The following TADA2A variants were observed in gnomAD, a reference collection of about 807,000 sequenced individuals.
The protein encoded by TADA2A is transcriptional adaptor 2A.
A neutral mutation model predicts 67.4 loss-of-function variants in TADA2A; 38 were observed. The ratio of observed to expected loss-of-function variants is 0.56; its 90% CI spans 0.44 to 0.74. The LOEUF is 0.74. Ranked by LOEUF, TADA2A falls within the 30% of genes least tolerant of loss-of-function variation. The pLI, the probability that TADA2A is intolerant of heterozygous loss-of-function variation, is 0.00. For missense variants in TADA2A, 454 were observed against 547.0 expected (o/e 0.83, Z 1.70); for synonymous variants, 192 against 181.6 (o/e 1.06, Z -0.46).
intron 5 of TADA2A, 164 bp downstream of exon 5, chr17:37,437,993 T>C (rs2052783809): frequency 4.7e-6 from 3 of 635,984 alleles, no homozygotes; most frequent in Non-Finnish European, 5.5e-6. Context: ...ATTTTTCCAG[T>C]GTCGAAATGT....
chr17:37,408,447 C>G (rs1167944597), intron 1 of TADA2A: 1 of 152,128 alleles, frequency 6.6e-6, no homozygotes, highest in Admixed American at 6.6e-5. Flanking sequence ...GACAGGGTTT[C>G]TACATGTTGG....
intron 15 of TADA2A, 43 bp downstream of exon 15, chr17:37,474,672 A>G: frequency 1.9e-6 from 3 of 1,569,634 alleles, no homozygotes; most frequent in Non-Finnish European, 2.6e-6. Context: ...ATAGGGGCTG[A>G]TTATTCATTG....
At chr17:37,440,484 C>T in intron 5 of TADA2A, 21 bp from the exon 6 acceptor site, 2 of 1,612,152 alleles carry the variant, frequency 1.2e-6, no homozygotes, top group Non-Finnish European at 1.7e-6. Flanking sequence ...CCACTTCTCT[C>T]TTTTTCCCAC....
At chr17:37,446,087 G>GT (rs1178704173) in intron 8 of TADA2A, among the ~76,000 whole-genome samples, 6,441 of 122,016 alleles carry the variant, frequency 0.053, 476 homozygotes, top group African/African-American at 0.17. Flanking sequence ...TGAGCGGTGG[G>GT]TTTTTTTTTG....
At chr17:37,437,386 C>T (rs112249655) in intron 4 of TADA2A, among the ~76,000 whole-genome samples, 1,780 of 148,206 alleles carry the variant, frequency 0.012, 54 homozygotes, top group African/African-American at 0.043. Flanking sequence ...CCACTGTGCC[C>T]GGCCTATTTT....
Position 37,470,422 on chromosome 17 carries a change from CAAG to C in TADA2A, c.923_925del (p.Lys308del). 2 of 1,613,796 alleles carry C rather than the reference CAAG, an allele frequency of 1.2e-6. No homozygotes were observed. Among genetic ancestry groups the C allele is most frequent in the Non-Finnish European group, 1.7e-6 (2 of 1,179,910 alleles). The stretch of plus-strand genomic sequence containing the variant: ...CAGGTGCCAGAACCTACGATCACCT[CAAG>C]AAGACACGGGAGGAAGAGCGCCTTA... On this transcript the variant is annotated inframe_deletion, in exon 13 of 16. Coordinates refer to ENST00000615182, the MANE Select transcript of TADA2A (RefSeq NM_001166105.3).
intron 2 of TADA2A, among the ~76,000 whole-genome samples, chr17:37,413,734 A>G (rs1168832334): frequency 1.3e-5 from 2 of 151,860 alleles, no homozygotes; most frequent in African/African-American, 2.4e-5. Context: ...TTAAGGTTGC[A>G]AAAAGATGAT....
At chr17:37,410,263 A>G (rs1469331396) in intron 1 of TADA2A, among the ~76,000 whole-genome samples, 2 of 149,684 alleles carry the variant, frequency 1.3e-5, no homozygotes, top group Non-Finnish European at 1.5e-5. Flanking sequence ...TGCATCCTCG[A>G]CCTCCTAGGC....
At chr17:37,450,105 C>G (rs1293512415) in intron 8 of TADA2A, among the ~76,000 whole-genome samples, 1 of 152,188 alleles carries the variant, frequency 6.6e-6, no homozygotes, top group Non-Finnish European at 1.5e-5. Flanking sequence ...CTCATAATGT[C>G]TTAAAAAAGT....
At chr17:37,463,750 T>G (rs1480883805) in intron 10 of TADA2A, among the ~76,000 whole-genome samples, 9 of 151,316 alleles carry the variant, frequency 5.9e-5, no homozygotes, top group Non-Finnish European at 1.3e-4. Context: ...GCTCAGGTGA[T>G]TCTCCCACCT....
chr17:37,465,097 G>C (rs959489918), intron 10 of TADA2A, among the ~76,000 whole-genome samples: 1 of 151,220 alleles, frequency 6.6e-6, no homozygotes, highest in Non-Finnish European at 1.5e-5. Context: ...GCAGTGCGCC[G>C]AGATCACCCC....
At chr17:37,465,619 G>A (rs2148033802) in intron 11 of TADA2A, 78 bp downstream of exon 11, 1 of 1,578,630 alleles carries the variant, frequency 6.3e-7, no homozygotes, top group Non-Finnish European at 8.6e-7. Flanking sequence ...TGTGTTTTAT[G>A]TGAAGTTCTA....
chr17:37,411,421 C>T (rs772954127), intron 2 of TADA2A, 31 bp downstream of exon 2: 1 of 1,602,306 alleles, frequency 6.2e-7, no homozygotes, highest in Non-Finnish European at 8.5e-7. Context: ...TCTCAGGTGA[C>T]TTATTATTAT....
At position 37,478,943 on chromosome 17, in the gene TADA2A, G is replaced by A. The variant is rs942497744; in HGVS notation, c.*1961G>A. ...TGTTTTCCTTGTAAAATCATATCTC[G>A]TAGAAAACATTTTACCACTACCATC... On this transcript the variant is annotated 3_prime_UTR_variant, in exon 16 of 16. Coordinates refer to ENST00000615182, the MANE Select transcript of TADA2A (RefSeq NM_001166105.3). 3 of 152,132 alleles carry A rather than the reference G, an allele frequency of 2.0e-5. No individual in the cohort carries two copies. Among genetic ancestry groups the A allele is most frequent in the South Asian group, 2.1e-4 (1 of 4,824 alleles). 9.4% of individuals were successfully genotyped at this position (152,132 alleles called of 1,614,324 possible).
At chr17:37,454,759 G>T in intron 8 of TADA2A, 1 of 309,044 alleles carries the variant, frequency 3.2e-6, no homozygotes, top group Non-Finnish European at 6.8e-6. Flanking sequence ...TGGCCAAGAG[G>T]AATGAGAAAC....
intron 2 of TADA2A, among the ~76,000 whole-genome samples, chr17:37,413,580 T>C (rs2051946293): frequency 6.6e-6 from 1 of 152,126 alleles, no homozygotes; most frequent in South Asian, 2.1e-4. Context: ...GGGGTCTCAC[T>C]GTGTCACCCA....
At chr17:37,429,470 CAG>C (rs1319569192) in intron 4 of TADA2A, among the ~76,000 whole-genome samples, 1 of 151,720 alleles carries the variant, frequency 6.6e-6, no homozygotes, top group Non-Finnish European at 1.5e-5. Flanking sequence ...AAAATAGAGA[CAG>C]GGTTTCTCCA....
At chr17:37,458,637 T>TTTTG (rs1230849870) in intron 9 of TADA2A, 50 bp downstream of exon 9, 36,441 of 979,846 alleles carry the variant, frequency 0.037, 1,867 homozygotes, top group Middle Eastern at 0.07. Flanking sequence ...GATTATTGTT[T>TTTTG]TGTGTGTGTG....
chr17:37,418,030 A>G (rs1379962288), intron 2 of TADA2A, among the ~76,000 whole-genome samples: 2 of 152,226 alleles, frequency 1.3e-5, no homozygotes, highest in African/African-American at 4.8e-5. Context: ...CACTGTGCAT[A>G]TACAAATGCA....
Sources: allele counts gnomAD v4.1 joint callset (sites outside exome capture counted in the v4.1 genomes callset), GRCh38; gene constraint gnomAD v4.1.1; transcripts MANE v1.5; gene names NCBI Gene and HGNC (gene_info 2026-07-23, HGNC 2026-07-21).